The following PTPRD variants were observed in gnomAD, a reference collection of about 807,000 sequenced individuals.
The protein encoded by PTPRD is receptor-type tyrosine-protein phosphatase delta.
Under a neutral mutation model 214.5 loss-of-function variants are expected in PTPRD, and 34 were observed. That is an observed-to-expected ratio of 0.16 (90% CI 0.12 to 0.21). The LOEUF is 0.21. PTPRD is among the 10% of genes least tolerant of loss of function. PTPRD has a pLI of 1.00. For synonymous variants in PTPRD, 1,128 were observed against 845.7 expected (o/e 1.33, Z -5.79); for missense variants, 2,545 against 2,398.7 (o/e 1.06, Z -1.27).
At chr9:9,086,635 G>A (rs917169732) in intron 10 of PTPRD, among the ~76,000 whole-genome samples, 6 of 152,158 alleles carry the variant, frequency 3.9e-5, no homozygotes, top group African/African-American at 1.2e-4. Flanking sequence ...TTGTTCCTAG[G>A]AAATATAGGT....
rs546698699 is a variant in PTPRD, at chr9:10,189,692, T to TA, written c.-545+151270dup. Among the ~76,000 whole-genome samples, 134 of 151,350 alleles carry TA rather than the reference T, an allele frequency of 8.9e-4. 1 individual carries two copies. The highest frequency in any genetic ancestry group is 5.4e-3 in the South Asian group (26 of 4,784). ...AAGGCAAGCAAAGAAACAACGGCTGTAAAAAAAAATATTTTAAAAGGGCAA... is the reference window on the plus strand; with the variant it reads ...AAGGCAAGCAAAGAAACAACGGCTGTAAAAAAAAAATATTTTAAAAGGGCAA... On this transcript the variant is annotated intron_variant, in intron 3 of 45. Transcript: ENST00000381196.
At chr9:9,568,137 T>G (rs767624359) in intron 8 of PTPRD, among the ~76,000 whole-genome samples, 1 of 151,894 alleles carries the variant, frequency 6.6e-6, no homozygotes, top group Non-Finnish European at 1.5e-5. Flanking sequence ...TCTTAACTTC[T>G]TATTTGTATA....
At chr9:10,155,360 G>A (rs2099086611) in intron 3 of PTPRD, among the ~76,000 whole-genome samples, 1 of 151,942 alleles carries the variant, frequency 6.6e-6, no homozygotes, top group African/African-American at 2.4e-5. Flanking sequence ...CAAGACTATA[G>A]GGCTTCCTAG....
chr9:10,598,668 A>G (rs10959189), intron 2 of PTPRD, among the ~76,000 whole-genome samples: 18,170 of 89,200 alleles, frequency 0.2, 1,438 homozygotes, highest in Admixed American at 0.35. Context: ...CCATTTTTAT[A>G]TATGTATGTG....
intron 8 of PTPRD, among the ~76,000 whole-genome samples, chr9:9,456,076 A>G (rs1251135878): frequency 1.3e-5 from 2 of 151,934 alleles, no homozygotes; most frequent in African/African-American, 4.8e-5. Context: ...AGCCTGAAAT[A>G]TAACACTTTT....
chr9:8,316,134 A>C lies in PTPRD; in HGVS notation c.*1740T>G. ...TTGATGATTGATTATAAAAGGAAGA[A>C]GGGCCCTGATTATCCAAGTGCTTTG... On this transcript the variant is annotated 3_prime_UTR_variant, in exon 46 of 46. Coordinates refer to ENST00000381196, the MANE Select transcript of PTPRD (RefSeq NM_002839.4). The C allele has an allele frequency of 8.8e-6, 2 of 228,436 alleles. No homozygotes were observed. Among genetic ancestry groups the C allele is most frequent in the Non-Finnish European group, 8.7e-6 (1 of 114,816 alleles). The allele number at this position is 228,436 out of a possible 1,614,324, so 14.2% of individuals were successfully genotyped here.
chr9:9,770,206 C>T (rs926436945), intron 5 of PTPRD, among the ~76,000 whole-genome samples: 1 of 152,198 alleles, frequency 6.6e-6, no homozygotes, highest in African/African-American at 2.4e-5. Flanking sequence ...AATGGTTGAA[C>T]TAATTTACAC....
In PTPRD at chr9:9,666,610, A is replaced by T. The variant is rs930293663; in HGVS notation, c.-287+67923T>A. ...GAAGTCATTGACCTCATATTTAATA[A>T]GTTGGCAAATTGTATCGATTCAATC... On this transcript the variant is annotated intron_variant, in intron 7 of 45. Coordinates refer to ENST00000381196, the MANE Select transcript of PTPRD (RefSeq NM_002839.4). 5.9e-5 allele frequency among the ~76,000 whole-genome samples: 9 copies of T among 152,004 alleles called. 1 individual carries two copies. Among genetic ancestry groups the T allele is most frequent in the African/African-American group, 1.7e-4 (7 of 41,428 alleles).
chr9:9,381,307 T>C (rs959359053), intron 9 of PTPRD, among the ~76,000 whole-genome samples: 1 of 152,054 alleles, frequency 6.6e-6, no homozygotes. Context: ...GTAGTTTTAA[T>C]TGTACATTTA....
intron 3 of PTPRD, among the ~76,000 whole-genome samples, chr9:10,066,596 C>G (rs1402014822): frequency 6.6e-6 from 1 of 151,798 alleles, no homozygotes; most frequent in Admixed American, 6.6e-5. Context: ...GGGGGGACTT[C>G]CTACTGCATA....
intron 30 of PTPRD, among the ~76,000 whole-genome samples, chr9:8,474,280 G>T (rs1445267705): frequency 6.6e-6 from 1 of 152,036 alleles, no homozygotes; most frequent in Non-Finnish European, 1.5e-5. Context: ...ACCTCCCCCA[G>T]CATCTCCTTT....
chr9:8,577,199 T>C (rs1306185489), intron 14 of PTPRD, among the ~76,000 whole-genome samples: 2 of 152,134 alleles, frequency 1.3e-5, no homozygotes, highest in East Asian at 3.8e-4. Context: ...TATGCCATTC[T>C]TGCTGCCTGA....
Position 8,620,008 on chromosome 9 carries a change from C to A in PTPRD, c.352+13309G>T, listed in dbSNP as rs185539120. 1.8e-3 allele frequency among the ~76,000 whole-genome samples: 281 copies of A among 152,162 alleles called. 2 individuals carry two copies. The highest frequency in any genetic ancestry group is 5.4e-3 in the Admixed American group (83 of 15,252). On this transcript the variant is annotated intron_variant, in intron 14 of 45. Transcript: ENST00000381196. Reference sequence around the variant, plus strand: ...TCTGAACTTGTAGCCTCTCCAGACACTGCACACAGACCCCCTTTAGTAGTC... The same window carrying A: ...TCTGAACTTGTAGCCTCTCCAGACAATGCACACAGACCCCCTTTAGTAGTC...
At chr9:9,235,912 T>C (rs1228563781) in intron 9 of PTPRD, among the ~76,000 whole-genome samples, 1 of 152,190 alleles carries the variant, frequency 6.6e-6, no homozygotes, top group Non-Finnish European at 1.5e-5. Context: ...TTACCTTGCA[T>C]GTCTCCATGA....
At chr9:10,607,049 A>T (rs1276822095) in intron 2 of PTPRD, among the ~76,000 whole-genome samples, 2 of 151,922 alleles carry the variant, frequency 1.3e-5, no homozygotes, top group African/African-American at 4.8e-5. Context: ...AAGGCATCCC[A>T]GTAGAAAAGA....
chr9:9,852,655 G>C (rs763777816), intron 5 of PTPRD, among the ~76,000 whole-genome samples: 1 of 151,850 alleles, frequency 6.6e-6, no homozygotes, highest in South Asian at 2.1e-4. Flanking sequence ...ATAAGATAAA[G>C]ATTATTCCTT....
At chr9:10,269,731 G>A (rs1436050034) in intron 3 of PTPRD, among the ~76,000 whole-genome samples, 1 of 151,544 alleles carries the variant, frequency 6.6e-6, no homozygotes, top group Non-Finnish European at 1.5e-5. Flanking sequence ...TTAAGTCACC[G>A]AGAATAAAAT....
intron 11 of PTPRD, among the ~76,000 whole-genome samples, chr9:8,843,841 G>C (rs1406699045): frequency 1.3e-5 from 2 of 152,148 alleles, no homozygotes; most frequent in African/African-American, 2.4e-5. Context: ...CTGGCCTTAG[G>C]TTCCAAAGAC....
chr9:8,395,464 C>G (rs377063937), intron 36 of PTPRD, among the ~76,000 whole-genome samples: 1 of 151,902 alleles, frequency 6.6e-6, no homozygotes, highest in African/African-American at 2.4e-5. Flanking sequence ...GACCCTTCAC[C>G]TGTTCAATGA....
Sources: allele counts gnomAD v4.1 joint callset (sites outside exome capture counted in the v4.1 genomes callset), GRCh38; gene constraint gnomAD v4.1.1; transcripts MANE v1.5; gene names NCBI Gene and HGNC (gene_info 2026-07-23, HGNC 2026-07-21).